CAMTA1: variants seen among roughly 807,000 people sequenced by gnomAD.
The protein encoded by CAMTA1 is calmodulin binding transcription activator 1, also known as calmodulin-binding transcription activator 1.
In CAMTA1, 27 loss-of-function variants were observed where a neutral mutation model predicts 170.9. That is an observed-to-expected ratio of 0.16 (90% CI 0.12 to 0.22). The LOEUF is 0.22. Among genes scored for constraint, CAMTA1 ranks in the 10% least tolerant of loss-of-function variants. The pLI is 1.00. For synonymous variants in CAMTA1, 833 were observed against 891.5 expected, an observed-to-expected ratio of 0.93 and a Z score of 1.17; for missense variants, 1,619 against 2,217.2, an observed-to-expected ratio of 0.73 and a Z score of 5.42.
intron 5 of CAMTA1, among the ~76,000 whole-genome samples, chr1:7,409,838 A>AC (rs1274583213): frequency 3.9e-5 from 6 of 152,218 alleles, no homozygotes; most frequent in African/African-American, 1.4e-4. Flanking sequence ...CAGCAAGGTG[A>AC]CACCCAAGTT....
chr1:7,701,975 G>C (rs1305165870), intron 11 of CAMTA1, among the ~76,000 whole-genome samples: 6 of 152,132 alleles, frequency 3.9e-5, no homozygotes, highest in Non-Finnish European at 8.8e-5. Flanking sequence ...CTCGGGGCTT[G>C]CCTCAGGAGC....
intron 11 of CAMTA1, among the ~76,000 whole-genome samples, chr1:7,706,886 C>CTTTTT (rs139511207): frequency 1.5e-5 from 2 of 132,220 alleles, no homozygotes; most frequent in Non-Finnish European, 1.6e-5. Flanking sequence ...TCAGGCTATT[C>CTTTTT]TTTTTTTTTT....
At chr1:6,933,748 A>AT (rs1390198326) in intron 3 of CAMTA1, among the ~76,000 whole-genome samples, 1 of 150,610 alleles carries the variant, frequency 6.6e-6, no homozygotes, top group East Asian at 1.9e-4. Context: ...ACTGAATTGC[A>AT]TTTTGCCCCT....
At chr1:7,631,399 G>A (rs2095667864) in intron 6 of CAMTA1, among the ~76,000 whole-genome samples, 1 of 152,168 alleles carries the variant, frequency 6.6e-6, no homozygotes, top group South Asian at 2.1e-4. Flanking sequence ...AAGCAGGGCT[G>A]GCACCCAGAG....
intron 11 of CAMTA1, among the ~76,000 whole-genome samples, chr1:7,704,929 C>T (rs1385976087): frequency 8.2e-6 from 1 of 122,460 alleles, no homozygotes; most frequent in Non-Finnish European, 1.7e-5. Flanking sequence ...AGGCGGAGGG[C>T]GCGTGCGGTC....
chr1:7,467,348 C>G (rs370064428), intron 5 of CAMTA1, among the ~76,000 whole-genome samples: 23 of 152,332 alleles, frequency 1.5e-4, no homozygotes, highest in African/African-American at 4.8e-4. Context: ...CCCTGTCCCC[C>G]CTGGTTGGGC....
chr1:7,265,045 A>C (rs1283553133), intron 5 of CAMTA1, among the ~76,000 whole-genome samples: 1 of 152,126 alleles, frequency 6.6e-6, no homozygotes, highest in African/African-American at 2.4e-5. Flanking sequence ...GGGGCCAGGG[A>C]GCCGGGTTTT....
chr1:6,890,241 G>A (rs1217441972), intron 3 of CAMTA1, among the ~76,000 whole-genome samples: 1 of 152,188 alleles, frequency 6.6e-6, no homozygotes, highest in African/African-American at 2.4e-5. Flanking sequence ...CATTGACTCA[G>A]TACCAGCTTT....
intron 3 of CAMTA1, among the ~76,000 whole-genome samples, chr1:6,848,610 C>T (rs1003616327): frequency 6.6e-5 from 10 of 152,140 alleles, no homozygotes; most frequent in Admixed American, 4.6e-4. Flanking sequence ...TTGGCAGTAG[C>T]GAAGGATCTG....
At position 7,616,248 on chromosome 1, in the gene CAMTA1, A is replaced by G. The variant is rs967498832; in HGVS notation, c.511-24152A>G. On this transcript the variant is annotated intron_variant, in intron 6 of 22. Transcript: ENST00000303635. ...CATTGCACAAACGGAATTCAAAGTG[A>G]TATTTCAAGCAGGGCGTTCTGTTTA... Among the ~76,000 whole-genome samples the G allele has an allele frequency of 2.6e-5, 4 of 152,258 alleles. No individual in the cohort carries two copies. The East Asian group carries it at 5.8e-4, about 22-fold the overall frequency.
Position 7,534,230 on chromosome 1 carries a change from C to T in CAMTA1, c.510+66329C>T, listed in dbSNP as rs577358022. Among the ~76,000 whole-genome samples, 42 of 152,332 alleles carry T rather than the reference C, an allele frequency of 2.8e-4. No homozygotes were observed. The highest frequency in any genetic ancestry group is 1.0e-3 in the African/African-American group (42 of 41,582). On this transcript the variant is annotated intron_variant, in intron 6 of 22. Coordinates refer to ENST00000303635, the MANE Select transcript of CAMTA1 (RefSeq NM_015215.4). The surrounding 1 kb of genome is among the most constrained non-coding windows in gnomAD (Gnocchi z 5.6). ...GAAGAAATCCATTAGTCTTTCCTTT[C>T]CGTGAGAAACATCATAACGTTCAGC...
rs77438199 is a variant in CAMTA1, at chr1:6,867,759, T to C, written c.234+42549T>C. 3.6e-3 allele frequency among the ~76,000 whole-genome samples: 552 copies of C among 152,326 alleles called. 5 individuals are homozygous for C. The highest frequency in any genetic ancestry group is 0.012 in the African/African-American group (511 of 41,572). On this transcript the variant is annotated intron_variant, in intron 3 of 22. Coordinates refer to ENST00000303635, the MANE Select transcript of CAMTA1 (RefSeq NM_015215.4). ...GATTGATTTATTTATATTTATAGAT[T>C]AAAAATAATAAACTTTGCTCTCATT...
chr1:6,979,226 A>G (rs1694005648), intron 3 of CAMTA1, among the ~76,000 whole-genome samples: 1 of 152,114 alleles, frequency 6.6e-6, no homozygotes, highest in Non-Finnish European at 1.5e-5. Context: ...CCTTGGAGGA[A>G]GTTTCCTGAA....
chr1:7,103,400 C>G (rs1347188279), intron 4 of CAMTA1, among the ~76,000 whole-genome samples: 1 of 136,520 alleles, frequency 7.3e-6, no homozygotes, highest in East Asian at 2.1e-4. Flanking sequence ...CACACAACTA[C>G]ACACGCACAC....
At chr1:6,854,662 G>A (rs72638522) in intron 3 of CAMTA1, among the ~76,000 whole-genome samples, 3 of 152,072 alleles carry the variant, frequency 2.0e-5, no homozygotes, top group Admixed American at 6.5e-5. Context: ...AACAGATTTC[G>A]AAAGACTAAA....
chr1:7,160,039 C>T (rs11120866), intron 4 of CAMTA1, among the ~76,000 whole-genome samples: 85,461 of 151,908 alleles, frequency 0.56, 24,334 homozygotes, highest in Non-Finnish European at 0.59. Flanking sequence ...CACTTGAGGC[C>T]AGGAGTTTGA....
rs2136525 is a variant in CAMTA1, at chr1:6,837,101, G to A, written c.234+11891G>A. Among the ~76,000 whole-genome samples the A allele has an allele frequency of 2.7e-4, 41 of 151,706 alleles. 1 individual carries two copies. The highest frequency in any genetic ancestry group is 9.9e-4 in the African/African-American group (41 of 41,310). ...CCCAAGCAGCTGGGACTACAGGCACGCGCCACCATACCCGGCTAATTTTTT... is the reference window on the plus strand; with the variant it reads ...CCCAAGCAGCTGGGACTACAGGCACACGCCACCATACCCGGCTAATTTTTT... On this transcript the variant is annotated intron_variant, in intron 3 of 22. Coordinates refer to ENST00000303635, the MANE Select transcript of CAMTA1 (RefSeq NM_015215.4).
chr1:7,367,627 T>C (rs2086075076), intron 5 of CAMTA1, among the ~76,000 whole-genome samples: 2 of 152,242 alleles, frequency 1.3e-5, no homozygotes, highest in South Asian at 4.1e-4. Flanking sequence ...CTCTGCACTC[T>C]CCTGGTATTT....
chr1:7,346,749 C>A (rs564260921), intron 5 of CAMTA1, among the ~76,000 whole-genome samples: 1 of 152,136 alleles, frequency 6.6e-6, no homozygotes, highest in Non-Finnish European at 1.5e-5. Context: ...TGCTCTCGGC[C>A]CTGAAGGAGG....
Sources: gnomAD v4.1 joint callset for allele counts (sites outside exome capture counted in the v4.1 genomes callset) on GRCh38, gnomAD v4.1.1 for gene constraint, Gnocchi (gnomAD v3.1) non-coding constraint, MANE v1.5 for transcripts, NCBI Gene and HGNC (gene_info 2026-07-23, HGNC 2026-07-21) for gene names.